Variants in UNC5C observed in about 807,000 individuals in gnomAD.
UNC5C encodes the protein netrin receptor UNC5C.
Under a neutral mutation model 99.8 loss-of-function variants are expected in UNC5C, and 47 were observed. That is an observed-to-expected ratio of 0.47 (90% confidence interval 0.37 to 0.60). The LOEUF is 0.60. Among genes scored for constraint, UNC5C ranks in the 20% least tolerant of loss-of-function variants. The pLI is 0.00. For missense variants in UNC5C, 1,062 were observed against 1,165.9 expected (o/e 0.91, Z 1.30); for synonymous variants, 487 against 452.2 (o/e 1.08, Z -0.98).
At chr4:95,347,843 G>A (rs1233902352) in intron 1 of UNC5C, among the ~76,000 whole-genome samples, 2 of 152,002 alleles carry the variant, frequency 1.3e-5, no homozygotes, top group Non-Finnish European at 2.9e-5. Context: ...CAGGACATTG[G>A]GCTGGGCAAA....
At chr4:95,394,733 T>G (rs1367387136) in intron 1 of UNC5C, among the ~76,000 whole-genome samples, 1 of 151,948 alleles carries the variant, frequency 6.6e-6, no homozygotes, top group East Asian at 1.9e-4. Context: ...GTTCTTGCAT[T>G]GTTTGCTAGA....
chr4:95,474,711 GAAT>G (rs1477641858), intron 1 of UNC5C, among the ~76,000 whole-genome samples: 1 of 152,082 alleles, frequency 6.6e-6, no homozygotes, highest in Non-Finnish European at 1.5e-5. Context: ...ACATAACGGA[GAAT>G]AATAAAAACT....
At chr4:95,271,074 T>C (rs925447841) in intron 4 of UNC5C, among the ~76,000 whole-genome samples, 12 of 152,170 alleles carry the variant, frequency 7.9e-5, no homozygotes, top group Admixed American at 4.6e-4. Flanking sequence ...AGGGAACTTA[T>C]TGAAGAAAAA....
intron 3 of UNC5C, among the ~76,000 whole-genome samples, chr4:95,290,889 C>T (rs1300874267): frequency 1.3e-5 from 2 of 152,084 alleles, no homozygotes; most frequent in African/African-American, 4.8e-5. Context: ...TGATCTGCAG[C>T]AAGTCAGCAG....
intron 1 of UNC5C, among the ~76,000 whole-genome samples, chr4:95,402,358 C>G (rs1579386494): frequency 6.6e-6 from 1 of 152,208 alleles, no homozygotes; most frequent in African/African-American, 2.4e-5. Context: ...GACAAGGAAG[C>G]CTTATGTTTA....
intron 2 of UNC5C, among the ~76,000 whole-genome samples, chr4:95,303,017 T>C (rs544281224): frequency 1.3e-5 from 2 of 152,134 alleles, no homozygotes; most frequent in East Asian, 3.9e-4. Flanking sequence ...GGTTCAATCA[T>C]ATGGTGAGCA....
In UNC5C at chr4:95,531,210, C is replaced by T. The variant is rs534770497; in HGVS notation, c.124+17524G>A. Among the ~76,000 whole-genome samples the T allele has an allele frequency of 6.6e-5, 10 of 152,232 alleles. No individual in the cohort carries two copies. In the South Asian group the frequency reaches 2.1e-3, roughly 32 times the overall value. On this transcript the variant is annotated intron_variant, in intron 1 of 15. Transcript: ENST00000453304. ...TTTCAAGCCAGTTTTTCCTTAAATG[C>T]TGTTTGGTCTAAATTGACAGTCTTG...
At chr4:95,332,160 G>C (rs987533715) in intron 2 of UNC5C, among the ~76,000 whole-genome samples, 2 of 152,134 alleles carry the variant, frequency 1.3e-5, no homozygotes, top group Non-Finnish European at 2.9e-5. Context: ...GTAATTTATA[G>C]ATTCAGTGCC....
At chr4:95,203,055 C>T in intron 11 of UNC5C, 91 bp from the exon 12 acceptor site, 7 of 1,093,350 alleles carry the variant, frequency 6.4e-6, no homozygotes, top group Non-Finnish European at 9.5e-6. Context: ...AGAGCAGGAC[C>T]TATCCTTTAC....
intron 1 of UNC5C, among the ~76,000 whole-genome samples, chr4:95,539,318 A>C (rs1190578742): frequency 6.6e-6 from 1 of 152,154 alleles, no homozygotes; most frequent in Non-Finnish European, 1.5e-5. Context: ...GAGATCCCCT[A>C]GTCTCTGTCA....
chr4:95,369,453 G>A (rs573599555), intron 1 of UNC5C, among the ~76,000 whole-genome samples: 1 of 151,946 alleles, frequency 6.6e-6, no homozygotes, highest in Non-Finnish European at 1.5e-5. Flanking sequence ...TTGGGAGGCT[G>A]AGGTGGGAGG....
At chr4:95,474,379 C>T (rs1404906633) in intron 1 of UNC5C, among the ~76,000 whole-genome samples, 3 of 152,138 alleles carry the variant, frequency 2.0e-5, no homozygotes, top group African/African-American at 7.2e-5. Flanking sequence ...CAACCTCCAC[C>T]TCCTGGGTTC....
chr4:95,452,674 G>A (rs1337767021), intron 1 of UNC5C, among the ~76,000 whole-genome samples: 2 of 152,134 alleles, frequency 1.3e-5, no homozygotes, highest in East Asian at 3.9e-4. Flanking sequence ...TTGGAAACAA[G>A]ATTAAAATAC....
At chr4:95,393,290 A>AAAG (rs1560816787) in intron 1 of UNC5C, among the ~76,000 whole-genome samples, 1 of 152,200 alleles carries the variant, frequency 6.6e-6, no homozygotes, top group Non-Finnish European at 1.5e-5. Flanking sequence ...GATTAAACAC[A>AAAG]AAGTGTTGAG....
At chr4:95,440,330 C>A (rs1256497957) in intron 1 of UNC5C, among the ~76,000 whole-genome samples, 2 of 152,010 alleles carry the variant, frequency 1.3e-5, no homozygotes, top group Non-Finnish European at 2.9e-5. Context: ...AAGAGACAAC[C>A]CAGATGAATT....
intron 7 of UNC5C, among the ~76,000 whole-genome samples, chr4:95,233,060 G>A (rs1579252733): frequency 1.3e-5 from 2 of 152,156 alleles, no homozygotes; most frequent in Non-Finnish European, 2.9e-5. Flanking sequence ...GTATTTGTAA[G>A]GTAAATTACT....
At chr4:95,182,541 G>A (rs1467911404) in intron 14 of UNC5C, among the ~76,000 whole-genome samples, 2 of 152,072 alleles carry the variant, frequency 1.3e-5, no homozygotes, top group Non-Finnish European at 1.5e-5. Context: ...GAGGATGGGG[G>A]AACATGGCAC....
At chr4:95,206,836 T>C in intron 10 of UNC5C, 40 bp from the exon 11 acceptor site, 1 of 1,501,990 alleles carries the variant, frequency 6.7e-7, no homozygotes, top group Non-Finnish European at 8.9e-7. Flanking sequence ...GACATTTCCA[T>C]TGTATTCATG....
chr4:95,312,684 T>C (rs1487288521), intron 2 of UNC5C, among the ~76,000 whole-genome samples: 1 of 152,184 alleles, frequency 6.6e-6, no homozygotes, highest in Non-Finnish European at 1.5e-5. Flanking sequence ...CCAATATTCC[T>C]GAAACTATGT....
Sources: allele counts gnomAD v4.1 joint callset (sites outside exome capture counted in the v4.1 genomes callset), GRCh38; gene constraint gnomAD v4.1.1; transcripts MANE v1.5; gene names NCBI Gene and HGNC (gene_info 2026-07-23, HGNC 2026-07-21).